The following PES1 variants were observed in gnomAD, a reference collection of about 807,000 sequenced individuals.
PES1 encodes pescadillo homolog.
A neutral mutation model predicts 77.1 loss-of-function variants in PES1; 31 were observed. That is an observed-to-expected ratio of 0.40 (90% CI 0.30 to 0.54). PES1 has a LOEUF of 0.54. Among genes scored for constraint, PES1 ranks in the 20% least tolerant of loss-of-function variants. The pLI, the probability that PES1 is intolerant of heterozygous loss-of-function variation, is 0.45. For missense variants in PES1, 658 were observed against 771.7 expected (o/e 0.85, Z 1.75); for synonymous variants, 282 against 303.0 (o/e 0.93, Z 0.72).
intron 1 of PES1, among the ~76,000 whole-genome samples, chr22:30,606,031 G>C (rs771861769): frequency 2.6e-5 from 4 of 152,142 alleles, no homozygotes; most frequent in African/African-American, 7.2e-5. Flanking sequence ...TTTTAAACTC[G>C]AGAGGTTAAG....
chr22:30,600,827 C>G (rs2087343527), intron 2 of PES1, among the ~76,000 whole-genome samples: 1 of 151,008 alleles, frequency 6.6e-6, no homozygotes, highest in South Asian at 2.1e-4. Context: ...AAAAACAAAA[C>G]AAAAAAAAAT....
chr22:30,581,266 C>G, intron 8 of PES1, 68 bp downstream of exon 8: 1 of 1,548,110 alleles, frequency 6.5e-7, no homozygotes, highest in Non-Finnish European at 8.9e-7. Context: ...GAACCAGACC[C>G]CCAGAGGTGT....
At chr22:30,589,624 C>A (rs1569027420) in intron 1 of PES1, among the ~76,000 whole-genome samples, 1 of 152,196 alleles carries the variant, frequency 6.6e-6, no homozygotes, top group Non-Finnish European at 1.5e-5. Context: ...TAGGTGCTGT[C>A]CGAACGTCCA....
intron 2 of PES1, 106 bp downstream of exon 2, chr22:30,589,085 A>G (rs1444558760): frequency 9.2e-6 from 7 of 762,038 alleles, no homozygotes; most frequent in African/African-American, 1.7e-5. Context: ...GAGAAGGAAT[A>G]CCAGAACCCC....
chr22:30,586,514 C>T (rs925959572), intron 4 of PES1, among the ~76,000 whole-genome samples: 3 of 152,218 alleles, frequency 2.0e-5, no homozygotes, highest in African/African-American at 7.2e-5. Context: ...TCAGACTATT[C>T]TATGTTGTGG....
In PES1 at chr22:30,579,941, G is replaced by A. The variant is rs367942989; in HGVS notation, c.1170-6C>T. ...ACTGGGGCTGCACGTAGCACCTGGC[G>A]CAGAGTGGCAGGCAAAAACGAGTCA... On this transcript the variant is annotated splice_region_variant and splice_polypyrimidine_tract_variant and intron_variant, in intron 11 of 14. Coordinates refer to ENST00000354694, the MANE Select transcript of PES1 (RefSeq NM_014303.4). 3.0e-5 allele frequency: 49 copies of A among 1,612,530 alleles called. No homozygotes were observed. Among genetic ancestry groups the A allele is most frequent in the Admixed American group, 2.2e-4 (13 of 59,972 alleles).
At chr22:30,579,390 G>T in intron 12 of PES1, 87 bp from the exon 13 acceptor site, 1 of 1,582,000 alleles carries the variant, frequency 6.3e-7, no homozygotes, top group South Asian at 1.1e-5. Context: ...CATCCTCTCT[G>T]ACCCTGCCGT....
chr22:30,582,024 C>A (rs993519430), intron 6 of PES1, among the ~76,000 whole-genome samples: 1 of 152,260 alleles, frequency 6.6e-6, no homozygotes, highest in Middle Eastern at 3.2e-3. Context: ...CAGACTCGGA[C>A]AGACCACTTT....
intron 2 of PES1, among the ~76,000 whole-genome samples, chr22:30,600,906 G>A (rs2087345046): frequency 1.3e-5 from 2 of 152,166 alleles, no homozygotes; most frequent in Non-Finnish European, 2.9e-5. Context: ...AATAGTAGGG[G>A]TATGGAAAGC....
intron 2 of PES1, among the ~76,000 whole-genome samples, chr22:30,597,422 C>T (rs9609010): frequency 0.18 from 261 of 1,446 alleles, no homozygotes; most frequent in East Asian, 0.27. Context: ...GGTTCGTAAA[C>T]ACACCAATCA....
At chr22:30,600,827 C>CA (rs200815388) in intron 2 of PES1, among the ~76,000 whole-genome samples, 89 of 151,116 alleles carry the variant, frequency 5.9e-4, no homozygotes, top group East Asian at 2.1e-3. Context: ...AAAAACAAAA[C>CA]AAAAAAAAAT....
Position 30,600,803 on chromosome 22 carries a change from C to T in PES1, c.-661+4658G>A, listed in dbSNP as rs543205996. Among the ~76,000 whole-genome samples the T allele has an allele frequency of 1.1e-4, 16 of 152,018 alleles. No individual in the cohort carries two copies. In the East Asian group the frequency reaches 2.9e-3, roughly 28 times the overall value. ...GCACTCCAGCCTGGGTGACAGAGCGCGAGACTCCATCTCAAAAACAAAACA... is the reference window on the plus strand; with the variant it reads ...GCACTCCAGCCTGGGTGACAGAGCGTGAGACTCCATCTCAAAAACAAAACA... On this transcript the variant is annotated intron_variant, in intron 2 of 16. Transcript: ENST00000402281.
intron 14 of PES1, 107 bp from the exon 15 acceptor site, chr22:30,577,236 C>T: frequency 1.1e-6 from 1 of 905,494 alleles, no homozygotes; most frequent in Non-Finnish European, 1.8e-6. Context: ...AAGAAAAGGT[C>T]ACAAATTCTC....
rs1569031105 is a variant in PES1, at chr22:30,597,892, TTTTTG to T, written c.-660-5499_-660-5495del. Among the ~76,000 whole-genome samples the T allele has an allele frequency of 4.8e-5, 7 of 145,424 alleles. 2 individuals are homozygous for T. Among genetic ancestry groups the T allele is most frequent in the Admixed American group, 6.8e-5 (1 of 14,640 alleles). On this transcript the variant is annotated intron_variant, in intron 2 of 16. Coordinates refer to the PES1 transcript ENST00000402281. The stretch of plus-strand genomic sequence containing the variant: ...CGCAGTTGAAGTTTTGTTTTTTTTT[TTTTTG>T]TTTTGAGTCGGAGTCTCACTCTGTC...
At chr22:30,585,354 G>A in intron 4 of PES1, 1 of 471,284 alleles carries the variant, frequency 2.1e-6, no homozygotes, top group Non-Finnish European at 4.4e-6. Flanking sequence ...AGCCACCCTG[G>A]GCACTGTGTG....
intron 4 of PES1, 90 bp downstream of exon 4, chr22:30,587,190 GGGTCTT>G (rs759562793): frequency 4.6e-6 from 4 of 874,460 alleles, no homozygotes; most frequent in Non-Finnish European, 7.4e-6. Context: ...TCTTTGAGCA[GGGTCTT>G]GGTCTTATTC....
At chr22:30,598,884 A>ATTTTTTTTTTTTTTTTTTTT (rs1569031688) in intron 2 of PES1, among the ~76,000 whole-genome samples, 8 of 46,324 alleles carry the variant, frequency 1.7e-4, no homozygotes, top group African/African-American at 6.0e-4. Context: ...ACTTAAGTAA[A>ATTTTTTTTTTTTTTTTTTTT]ATTTTTTTTT....
rs536489331 is a variant in PES1, at chr22:30,606,307, T to C, written c.-718+502A>G. Among the ~76,000 whole-genome samples the C allele has an allele frequency of 1.4e-3, 207 of 152,286 alleles. 4 individuals are homozygous for C. Among genetic ancestry groups the C allele is most frequent in the African/African-American group, 4.1e-3 (169 of 41,572 alleles). On this transcript the variant is annotated intron_variant, in intron 1 of 16. Coordinates refer to the PES1 transcript ENST00000402281. ...GTGCAGTGGTGTAATCTTGGCTCACTGTAGCCTCCACCTCTTGGGTTCAAG... is the reference window on the plus strand; with the variant it reads ...GTGCAGTGGTGTAATCTTGGCTCACCGTAGCCTCCACCTCTTGGGTTCAAG...
At chr22:30,592,798 A>AAAAT (rs993370437), upstream of PES1, among the ~76,000 whole-genome samples, 4 of 152,298 alleles carry the variant, frequency 2.6e-5, no homozygotes, top group East Asian at 5.8e-4. Context: ...CTCCATCTCA[A>AAAAT]AAATAAATAA....
Sources: gnomAD v4.1 joint callset for allele counts (sites outside exome capture counted in the v4.1 genomes callset) on GRCh38, gnomAD v4.1.1 for gene constraint, MANE v1.5 for transcripts, NCBI Gene and HGNC (gene_info 2026-07-23, HGNC 2026-07-21) for gene names.